CDH19: variants seen among roughly 807,000 people sequenced by gnomAD.
CDH19 encodes the protein cadherin-19.
CDH19 carries 67 observed loss-of-function variants against 64.2 expected under a neutral mutation model. That is an observed-to-expected ratio of 1.04 (90% CI 0.86 to 1.28). The LOEUF (loss-of-function observed/expected upper bound fraction) is 1.28, where lower values mean the gene tolerates loss of function less well. Ranked by LOEUF, CDH19 falls within the 50% of genes most tolerant of loss-of-function variation. CDH19 has a pLI of 0.00. For missense variants in CDH19, 1,030 were observed against 929.0 expected (o/e 1.11, Z -1.41); for synonymous variants, 346 against 319.3 (o/e 1.08, Z -0.89).
At chr18:66,579,949 T>C (rs1988377884) in intron 1 of CDH19, among the ~76,000 whole-genome samples, 1 of 151,986 alleles carries the variant, frequency 6.6e-6, no homozygotes, top group South Asian at 2.1e-4. Flanking sequence ...TATATTTTCT[T>C]TAAAATATCT....
chr18:66,551,575 C>T (rs575833961), intron 4 of CDH19, among the ~76,000 whole-genome samples: 5 of 151,964 alleles, frequency 3.3e-5, no homozygotes, highest in South Asian at 4.1e-4. Context: ...AACATAATAT[C>T]GGCTTGCTAC....
rs992693639 is a variant in CDH19 at position 66,501,897 on chromosome 18, G to A, written c.*2915C>T. The A allele has an allele frequency of 1.3e-5, 2 of 151,936 alleles. No individual in the cohort carries two copies. Among genetic ancestry groups the A allele is most frequent in the African/African-American group, 4.8e-5 (2 of 41,390 alleles). 9.4% of individuals were successfully genotyped at this position (151,936 alleles called of 1,614,324 possible). A position where few individuals can be genotyped will look rare whatever the true frequency, so the allele number is the denominator to read the frequency against. On this transcript the variant is annotated 3_prime_UTR_variant, in exon 12 of 12. Transcript: ENST00000262150. ...GTTAGGCTCAAGCACATGCACTGAG[G>A]GAACAACTAGCAGTTCGCTAGTCCT...
intron 1 of CDH19, among the ~76,000 whole-genome samples, chr18:66,587,926 G>A (rs573068039): frequency 6.6e-6 from 1 of 152,106 alleles, no homozygotes; most frequent in Non-Finnish European, 1.5e-5. Context: ...TAATTCAATG[G>A]TACAGTAAAT....
chr18:66,550,561 A>G (rs1987302612), intron 5 of CDH19, among the ~76,000 whole-genome samples: 1 of 152,110 alleles, frequency 6.6e-6, no homozygotes, highest in African/African-American at 2.4e-5. Flanking sequence ...GTCTAATTAC[A>G]TGAGTGCTTA....
At chr18:66,539,948 C>A (rs1432511408) in intron 7 of CDH19, among the ~76,000 whole-genome samples, 4 of 151,962 alleles carry the variant, frequency 2.6e-5, no homozygotes, top group Non-Finnish European at 5.9e-5. Context: ...TCTTTGGATT[C>A]TCTCAAGAAC....
chr18:66,591,451 A>T (rs1401601300), intron 1 of CDH19, among the ~76,000 whole-genome samples: 1 of 151,806 alleles, frequency 6.6e-6, no homozygotes, highest in Non-Finnish European at 1.5e-5. Flanking sequence ...AACGGGAAAT[A>T]TTTGCTATGA....
At chr18:66,559,485 T>A (rs1042930118) in intron 3 of CDH19, among the ~76,000 whole-genome samples, 4 of 151,758 alleles carry the variant, frequency 2.6e-5, no homozygotes, top group Admixed American at 1.3e-4. Flanking sequence ...ACCATGCAGT[T>A]ATAACGCATT....
intron 9 of CDH19, among the ~76,000 whole-genome samples, chr18:66,522,357 C>T (rs1202229941): frequency 1.3e-5 from 2 of 152,114 alleles, no homozygotes; most frequent in African/African-American, 4.8e-5. Flanking sequence ...ATTCTCCTGC[C>T]TCAGCCTCCC....
intron 1 of CDH19, among the ~76,000 whole-genome samples, chr18:66,580,536 A>T (rs1259125930): frequency 6.6e-6 from 1 of 152,052 alleles, no homozygotes; most frequent in Non-Finnish European, 1.5e-5. Flanking sequence ...AAATAAGTGA[A>T]ATTTGTCTAA....
At chr18:66,518,514 G>A (rs968433555) in intron 9 of CDH19, among the ~76,000 whole-genome samples, 1 of 152,074 alleles carries the variant, frequency 6.6e-6, no homozygotes, top group Non-Finnish European at 1.5e-5. Flanking sequence ...GATTACACAC[G>A]TGAGCCACTG....
chr18:66,527,699 A>G (rs974984144), intron 9 of CDH19, among the ~76,000 whole-genome samples: 1 of 152,052 alleles, frequency 6.6e-6, no homozygotes, highest in Non-Finnish European at 1.5e-5. Flanking sequence ...GGTTGCAGTG[A>G]GCCAAGATCA....
intron 7 of CDH19, among the ~76,000 whole-genome samples, chr18:66,542,897 AC>A (rs983694450): frequency 1.3e-5 from 2 of 150,730 alleles, no homozygotes; most frequent in East Asian, 2.0e-4. Flanking sequence ...ATTCCCCTTC[AC>A]CCCCCCGACC....
In CDH19 at chr18:66,501,844, T is replaced by G. The variant is rs1386747943; in HGVS notation, c.*2968A>C. The G allele has an allele frequency of 6.6e-6, 1 of 152,088 alleles. No homozygotes were observed. The highest frequency in any genetic ancestry group is 1.5e-5 in the Non-Finnish European group (1 of 68,006). 9.4% of individuals were successfully genotyped at this position (152,088 alleles called of 1,614,324 possible). The stretch of plus-strand genomic sequence containing the variant: ...AACAAATATTATATGTTCGCTTAAT[T>G]GAAAGTAACTAATTCAAACAAAGAT... On this transcript the variant is annotated 3_prime_UTR_variant, in exon 12 of 12. Transcript: ENST00000262150.
intron 9 of CDH19, among the ~76,000 whole-genome samples, chr18:66,526,601 T>C (rs1210188708): frequency 6.6e-6 from 1 of 152,132 alleles, no homozygotes. Flanking sequence ...TTTATAAATC[T>C]AGGATACATT....
chr18:66,532,435 T>G (rs1986483909), intron 8 of CDH19: 1 of 172,630 alleles, frequency 5.8e-6, no homozygotes, highest in Non-Finnish European at 1.2e-5. Flanking sequence ...GCCTTGTACT[T>G]GTTGAAAGCA....
chr18:66,597,059 G>C (rs1988913039), intron 1 of CDH19, among the ~76,000 whole-genome samples: 1 of 112,450 alleles, frequency 8.9e-6, no homozygotes, highest in Non-Finnish European at 1.7e-5. Flanking sequence ...TCCAGCCTGG[G>C]CGACAGAGCG....
At chr18:66,526,803 A>C (rs936345648) in intron 9 of CDH19, among the ~76,000 whole-genome samples, 8 of 152,066 alleles carry the variant, frequency 5.3e-5, no homozygotes, top group African/African-American at 1.9e-4. Flanking sequence ...AATGACAATA[A>C]TGAAATAAAT....
intron 1 of CDH19, among the ~76,000 whole-genome samples, chr18:66,573,278 A>G (rs1467890804): frequency 6.6e-6 from 1 of 151,708 alleles, no homozygotes; most frequent in East Asian, 1.9e-4. Context: ...AGTTCATGTT[A>G]GGACTTTTTC....
At position 66,509,001 on chromosome 18, in the gene CDH19, T is replaced by C. The variant is rs913243965; in HGVS notation, c.1822A>G (p.Ile608Val). 3 of 1,606,124 alleles carry C rather than the reference T, an allele frequency of 1.9e-6. No homozygotes were observed. The African/African-American group carries it at 4.0e-5, about 21-fold the overall frequency. Residue 608 changes from isoleucine to valine, a missense_variant, in exon 11 of 12, where the codon ATA becomes GTA. Physicochemically the swap from Ile to Val is conservative, Grantham distance 29 (BLOSUM62 3). Transcript: ENST00000262150. Reference protein sequence around the residue: ...IIAILICIMIIFGFIFLTLGL... With the variant: ...IIAILICIMIVFGFIFLTLGL... ...AATGATGACTTCTACCTACCAAATA[T>C]GATCATAATGCAAATGAGAATAGCA...
Sources: gnomAD v4.1 joint callset for allele counts (sites outside exome capture counted in the v4.1 genomes callset) on GRCh38, gnomAD v4.1.1 for gene constraint, MANE v1.5 for transcripts, NCBI Gene and HGNC (gene_info 2026-07-23, HGNC 2026-07-21) for gene names.